REV3L: variants seen among roughly 807,000 people sequenced by gnomAD.
The protein encoded by REV3L is DNA polymerase zeta catalytic subunit.
In REV3L, 69 loss-of-function variants were observed where a neutral mutation model predicts 299.4. That is an observed-to-expected ratio of 0.23 (90% CI 0.19 to 0.28). The LOEUF (loss-of-function observed/expected upper bound fraction) is 0.28. REV3L is among the 10% of genes least tolerant of loss of function. REV3L has a pLI of 1.00. For missense variants in REV3L, 3,128 were observed against 3,693.8 expected (o/e 0.85, Z 3.97); for synonymous variants, 1,238 against 1,271.4 (o/e 0.97, Z 0.56).
chr6:111,441,599 C>CA (rs1235292174), intron 1 of REV3L, among the ~76,000 whole-genome samples: 2 of 152,138 alleles, frequency 1.3e-5, no homozygotes, highest in Non-Finnish European at 2.9e-5. Context: ...CAGACCTTAC[C>CA]ATGTTACTCA....
chr6:111,390,206 T>A (rs1396484241), intron 5 of REV3L, 26 bp from the exon 6 acceptor site: 3 of 1,399,394 alleles, frequency 2.1e-6, no homozygotes, highest in Non-Finnish European at 3.0e-6. Flanking sequence ...ATAAAAAACA[T>A]AATAATTATG....
At chr6:111,313,513 C>T (rs201122177) in intron 27 of REV3L, 24 bp from the exon 28 acceptor site, 3 of 1,581,054 alleles carry the variant, frequency 1.9e-6, no homozygotes, top group Non-Finnish European at 2.6e-6. Context: ...AATAAAATGC[C>T]TCTTAAAAAC....
In REV3L at chr6:111,367,989, A is replaced by G; in HGVS notation, c.5799T>C (p.Leu1933=). Residue 1933 remains leucine, a synonymous_variant, in exon 14 of 32, where the codon CTT becomes CTC. Coordinates refer to ENST00000368802, the MANE Select transcript of REV3L (RefSeq NM_001372078.1). ...GGRLLMVETR[L]ANDLAEFEGD... is the part of the protein sequence containing the mutation. ...CCTCAAACTCAGCCAGATCATTTGC[A>G]AGTCGAGTTTCTACCATGAGGAGCC... is the stretch of plus-strand genomic sequence containing the variant. 1 of 1,612,266 alleles carries G rather than the reference A, an allele frequency of 6.2e-7. No homozygotes were observed. The highest frequency in any genetic ancestry group is 2.2e-5 in the East Asian group (1 of 44,866).
At chr6:111,379,690 A>G (rs1049682411) in intron 11 of REV3L, among the ~76,000 whole-genome samples, 2 of 152,256 alleles carry the variant, frequency 1.3e-5, no homozygotes, top group African/African-American at 2.4e-5. Context: ...AAGTTCTAAG[A>G]TAAGAAGGCA....
At chr6:111,364,412 T>C (rs1779001561) in intron 15 of REV3L, among the ~76,000 whole-genome samples, 1 of 152,074 alleles carries the variant, frequency 6.6e-6, no homozygotes, top group Non-Finnish European at 1.5e-5. Flanking sequence ...GTCTGAAAGA[T>C]GAATTAAATA....
chr6:111,479,314 T>C (rs1014252441), intron 1 of REV3L, among the ~76,000 whole-genome samples: 1 of 152,334 alleles, frequency 6.6e-6, no homozygotes, highest in Middle Eastern at 3.4e-3. Context: ...CTCAATTTGA[T>C]TATGTCAAAA....
chr6:111,406,602 A>T (rs530608949), intron 3 of REV3L, among the ~76,000 whole-genome samples: 100 of 152,294 alleles, frequency 6.6e-4, no homozygotes, highest in African/African-American at 2.3e-3. Context: ...TTGATGACTA[A>T]CTAGATGTGA....
chr6:111,469,368 TG>T (rs1791900935), intron 1 of REV3L, among the ~76,000 whole-genome samples: 1 of 152,206 alleles, frequency 6.6e-6, no homozygotes, highest in African/African-American at 2.4e-5. Context: ...TAAATTTATC[TG>T]AACTGTTGAA....
At chr6:111,430,150 C>A (rs1239955429) in intron 1 of REV3L, 2 of 788,154 alleles carry the variant, frequency 2.5e-6, no homozygotes, top group African/African-American at 1.7e-5. Flanking sequence ...CAGTGTCACG[C>A]CCCTGTGGGA....
rs752304531 is a variant in REV3L, at chr6:111,372,899, G to A, written c.5456C>T (p.Thr1819Ile). 3 of 1,614,102 alleles carry A rather than the reference G, an allele frequency of 1.9e-6. No homozygotes were observed. Among genetic ancestry groups the A allele is most frequent in the Non-Finnish European group, 2.5e-6 (3 of 1,180,010 alleles). ...QSLDSANTSF[T>I]AILSSPDGEL... is the part of the protein sequence containing the mutation. Reference sequence around the variant, plus strand: ...ACCATCAGGGGAGGAGAGTATTGCAGTAAAAGAGGTATTGGCTGAGTCAAG... The same window carrying A: ...ACCATCAGGGGAGGAGAGTATTGCAATAAAAGAGGTATTGGCTGAGTCAAG... The change falls in exon 13 of 32, where the codon ACT (threonine) becomes ATT (isoleucine). Residue 1819 changes from threonine to isoleucine, a missense_variant. Physicochemically the swap from Thr to Ile is moderately conservative, Grantham distance 89. Around this residue, in one of 9 missense-constraint regions of REV3L, gnomAD observed 2,409 missense variants for 2,611.8 expected, o/e 0.92. Coordinates refer to ENST00000368802, the MANE Select transcript of REV3L (RefSeq NM_001372078.1).
At chr6:111,346,337 A>G (rs1278909059) in intron 20 of REV3L, among the ~76,000 whole-genome samples, 1 of 152,180 alleles carries the variant, frequency 6.6e-6, no homozygotes. Context: ...GCAGTCAACA[A>G]ATATCTAATA....
chr6:111,465,459 C>A (rs189485264), intron 1 of REV3L, among the ~76,000 whole-genome samples: 1 of 151,454 alleles, frequency 6.6e-6, no homozygotes, highest in Non-Finnish European at 1.5e-5. Flanking sequence ...GTTGGCTGAG[C>A]GCAGTGGCTC....
At position 111,376,357 on chromosome 6, in the gene REV3L, A is replaced by G; in HGVS notation, c.1998T>C (p.Ile666=). The change falls in exon 13 of 32, where the codon ATT becomes ATC. Residue 666 remains isoleucine, a synonymous_variant. Coordinates refer to ENST00000368802, the MANE Select transcript of REV3L (RefSeq NM_001372078.1). ...TTGGTACTTGTCTTGTAACAGATGG[A>G]ATATCTTCTTCATAATCAAAAATAC... ...ESSIFDYEED[I]PSVTRQVPSR... 3.7e-6 allele frequency: 6 copies of G among 1,612,560 alleles called. No individual in the cohort carries two copies. The highest frequency in any genetic ancestry group is 5.1e-6 in the Non-Finnish European group (6 of 1,179,578).
chr6:111,434,815 T>C lies in REV3L; in HGVS notation c.140-18343A>G, dbSNP rs574842539. ...AACCAAAGAAGTAAAATATCTCTAC[T>C]AGAAAAAGTATAAAACACTGATGAA... On this transcript the variant is annotated intron_variant, in intron 1 of 31. Coordinates refer to ENST00000368802, the MANE Select transcript of REV3L (RefSeq NM_001372078.1). 1.6e-4 allele frequency among the ~76,000 whole-genome samples: 25 copies of C among 151,940 alleles called. No homozygotes were observed. The East Asian group carries it at 2.7e-3, about 16-fold the overall frequency.
chr6:111,463,844 G>A (rs1321860531), intron 1 of REV3L, among the ~76,000 whole-genome samples: 1 of 152,008 alleles, frequency 6.6e-6, no homozygotes, highest in African/African-American at 2.4e-5. Context: ...TCTCTACCTT[G>A]GGGACACGGT....
intron 1 of REV3L, among the ~76,000 whole-genome samples, chr6:111,459,349 T>C (rs1790499392): frequency 6.6e-6 from 1 of 152,092 alleles, no homozygotes; most frequent in African/African-American, 2.4e-5. Flanking sequence ...ACCTAGGAAA[T>C]TCTTTTCTCG....
intron 22 of REV3L, among the ~76,000 whole-genome samples, 174 bp from the exon 23 acceptor site, chr6:111,333,541 T>C (rs1289257205): frequency 6.6e-6 from 1 of 152,002 alleles, no homozygotes; most frequent in Non-Finnish European, 1.5e-5. Context: ...ATGGCACGAT[T>C]GCGGCTCACT....
chr6:111,306,321 G>A (rs1175911250), intron 31 of REV3L, among the ~76,000 whole-genome samples: 2 of 152,126 alleles, frequency 1.3e-5, no homozygotes, highest in Non-Finnish European at 2.9e-5. Flanking sequence ...AGGCGGCGAG[G>A]GGCATTCACA....
chr6:111,374,734 TTTC>T lies in REV3L; in HGVS notation c.3618_3620del (p.Lys1207del), dbSNP rs1780126947. ...CATTTGTTTTTTGTTTTGCTCTTGG[TTTC>T]TTTTTTCCATCATCTACTAGTTTAT... On this transcript the variant is annotated inframe_deletion, in exon 13 of 32. Coordinates refer to ENST00000368802, the MANE Select transcript of REV3L (RefSeq NM_001372078.1). 6.2e-7 allele frequency: 1 copy of T among 1,613,176 alleles called. No individual in the cohort carries two copies.
Sources: allele counts gnomAD v4.1 joint callset (sites outside exome capture counted in the v4.1 genomes callset), GRCh38; gene constraint gnomAD v4.1.1; regional missense constraint gnomAD v4.1.1; transcripts MANE v1.5; gene names NCBI Gene and HGNC (gene_info 2026-07-23, HGNC 2026-07-21).